Variants in ERFL observed in about 807,000 individuals in gnomAD.
ERFL encodes the protein ETS repressor factor like, also known as ETS domain-containing transcription factor ERF-like.
A neutral mutation model predicts 27.9 loss-of-function variants in ERFL; 8 were observed. The observed-to-expected ratio is 0.29, with a 90% CI of 0.17 to 0.52. The LOEUF is 0.52. Among genes scored for constraint, ERFL ranks in the 20% least tolerant of loss-of-function variants. The pLI, the probability that ERFL is intolerant of heterozygous loss-of-function variation, is 0.97. For synonymous variants in ERFL, 174 were observed against 202.8 expected, an observed-to-expected ratio of 0.86 and a Z score of 1.21; for missense variants, 294 against 444.4, an observed-to-expected ratio of 0.66 and a Z score of 3.04.
At position 41,917,219 on chromosome 19, in the gene ERFL, A is replaced by G. The variant is rs1490166577; in HGVS notation, c.-13-4287T>C. Among the ~76,000 whole-genome samples, 3 of 151,658 alleles carry G rather than the reference A, an allele frequency of 2.0e-5. No individual in the cohort carries two copies. The highest frequency in any genetic ancestry group is 7.3e-5 in the African/African-American group (3 of 41,220). ...TCTTGGCCTGCCTGTCTTTCTAAATATCTCCATCTCTGAGTGTCTCTGTTT... is the reference window on the plus strand; with the variant it reads ...TCTTGGCCTGCCTGTCTTTCTAAATGTCTCCATCTCTGAGTGTCTCTGTTT... On this transcript the variant is annotated intron_variant, in intron 1 of 5. Transcript: ENST00000597630. This position sits in a 1 kb window ranked among gnomAD's most constrained non-coding sequence, Gnocchi z 4.8.
chr19:41,921,903 G>A lies in ERFL; in HGVS notation c.-14+6137C>T, dbSNP rs1299596063. On this transcript the variant is annotated intron_variant, in intron 1 of 5. Transcript: ENST00000597630. The surrounding 1 kb of genome is among the most constrained non-coding windows in gnomAD (Gnocchi z 4.4). ...CCCTCCTCCTCCTCATCTCCACCAG[G>A]CCCCACCCCACCCAGACCCCAGCTC... is the stretch of plus-strand genomic sequence containing the variant. 6.6e-6 allele frequency among the ~76,000 whole-genome samples: 1 copy of A among 150,806 alleles called. No homozygotes were observed. Among genetic ancestry groups the A allele is most frequent in the Admixed American group, 6.6e-5 (1 of 15,140 alleles).
chr19:41,915,806 A>G (rs557929211), intron 1 of ERFL, among the ~76,000 whole-genome samples: 112 of 152,030 alleles, frequency 7.4e-4, no homozygotes, highest in African/African-American at 2.5e-3. Flanking sequence ...TGATCGACTG[A>G]TGGAGGGAGC....
chr19:41,908,709 A>G lies in ERFL; in HGVS notation c.617-33T>C. 1 of 1,153,186 alleles carries G rather than the reference A, an allele frequency of 8.7e-7. No individual in the cohort carries two copies. Among genetic ancestry groups the G allele is most frequent in the Non-Finnish European group, 1.1e-6 (1 of 916,392 alleles). The allele number at this position is 1,153,186 out of a possible 1,614,324, so 71.4% of individuals were successfully genotyped here. On this transcript the variant is annotated intron_variant, in intron 5 of 5. Coordinates refer to ENST00000597630, the MANE Select transcript of ERFL (RefSeq NM_001365103.2). This position sits in a 1 kb window ranked among gnomAD's most constrained non-coding sequence, Gnocchi z 6.7. The stretch of plus-strand genomic sequence containing the variant: ...GCACAGGGGTAGGTCAGGCTGGGGC[A>G]CCTGCCTGCCTGGGGACCAGTAAAG...
intron 2 of ERFL, among the ~76,000 whole-genome samples, chr19:41,911,177 T>C (rs1426378551): frequency 6.6e-6 from 1 of 152,102 alleles, no homozygotes; most frequent in African/African-American, 2.4e-5. Flanking sequence ...ACGTCTCACA[T>C]GCAGAGGGGA....
At position 41,908,687 on chromosome 19, in the gene ERFL, CAG is replaced by C. The variant is rs1796813743; in HGVS notation, c.617-13_617-12del. On this transcript the variant is annotated splice_polypyrimidine_tract_variant and intron_variant, in intron 5 of 5. Transcript: ENST00000597630. This position sits in a 1 kb window ranked among gnomAD's most constrained non-coding sequence, Gnocchi z 6.7. ...AATAGCTGGTGGCACCTGGGGGGCA[CAG>C]GGGTAGGTCAGGCTGGGGCACCTGC... The C allele has an allele frequency of 4.1e-6, 5 of 1,228,572 alleles. No homozygotes were observed. The highest frequency in any genetic ancestry group is 4.1e-5 in the South Asian group (1 of 24,222). The allele number at this position is 1,228,572 out of a possible 1,614,324, so 76.1% of individuals were successfully genotyped here. A position where few individuals can be genotyped will look rare whatever the true frequency, so the allele number is the denominator to read the frequency against.
chr19:41,908,955 G>T lies in ERFL; in HGVS notation c.616+105C>A. The T allele has an allele frequency of 1.4e-6, 1 of 703,738 alleles. No individual in the cohort carries two copies. The allele number at this position is 703,738 out of a possible 1,614,324, so 43.6% of individuals were successfully genotyped here. A position where few individuals can be genotyped will look rare whatever the true frequency, so the allele number is the denominator to read the frequency against. The stretch of plus-strand genomic sequence containing the variant: ...CACACACACCCTACAACCTGGCCCT[G>T]GGCCCCCTTCCCCATCTCTTCTCTT... On this transcript the variant is annotated intron_variant, in intron 5 of 5. Coordinates refer to ENST00000597630, the MANE Select transcript of ERFL (RefSeq NM_001365103.2). The surrounding 1 kb of genome is among the most constrained non-coding windows in gnomAD (Gnocchi z 6.7).
At chr19:41,924,152 G>A (rs1283254304) in intron 1 of ERFL, among the ~76,000 whole-genome samples, 1 of 151,778 alleles carries the variant, frequency 6.6e-6, no homozygotes, top group Non-Finnish European at 1.5e-5. Flanking sequence ...TAGGGGAGAT[G>A]GGGTTGGGAG....
At chr19:41,927,315 G>A (rs1555853353) in intron 1 of ERFL, among the ~76,000 whole-genome samples, 1 of 152,066 alleles carries the variant, frequency 6.6e-6, no homozygotes, top group Non-Finnish European at 1.5e-5. Flanking sequence ...TCCTTGCCCC[G>A]AAGTGTGCAG....
Position 41,908,663 on chromosome 19 carries a change from A to G in ERFL, c.630T>C (p.Tyr210=), listed in dbSNP as rs2074733530. 4.1e-6 allele frequency: 5 copies of G among 1,231,494 alleles called. No individual in the cohort carries two copies. The highest frequency in any genetic ancestry group is 3.1e-5 in the African/African-American group (2 of 64,416). The allele number at this position is 1,231,494 out of a possible 1,614,324, so 76.3% of individuals were successfully genotyped here. The change falls in exon 6 of 6, where the codon TAT becomes TAC. Residue 210 remains tyrosine (Y), a synonymous_variant. Transcript: ENST00000597630. The surrounding 1 kb of genome is among the most constrained non-coding windows in gnomAD (Gnocchi z 6.7). The stretch of plus-strand genomic sequence containing the variant: ...GACCCAGCAGGCCAGGGGGCTTGGA[A>G]TAGCTGGTGGCACCTGGGGGGCACA... The part of the protein sequence containing the change: ...FPFLGSGATS[Y]SKPPGLLGPY...
At position 41,909,581 on chromosome 19, in the gene ERFL, T is replaced by G. The variant is rs1276795298; in HGVS notation, c.303-110A>C. 1.1e-6 allele frequency: 1 copy of G among 932,856 alleles called. No homozygotes were observed. Among genetic ancestry groups the G allele is most frequent in the African/African-American group, 1.7e-5 (1 of 59,078 alleles). The allele number at this position is 932,856 out of a possible 1,614,324, so 57.8% of individuals were successfully genotyped here. A position where few individuals can be genotyped will look rare whatever the true frequency, so the allele number is the denominator to read the frequency against. On this transcript the variant is annotated intron_variant, in intron 3 of 5. Coordinates refer to ENST00000597630, the MANE Select transcript of ERFL (RefSeq NM_001365103.2). The surrounding 1 kb of genome is among the most constrained non-coding windows in gnomAD (Gnocchi z 5.2). The stretch of plus-strand genomic sequence containing the variant: ...GGCATGGTGCACAGAGCACTAGAAC[T>G]TGGGGAAACTGAGGCTCACAGAAGT...
intron 1 of ERFL, among the ~76,000 whole-genome samples, chr19:41,925,539 G>A (rs1425113176): frequency 2.6e-5 from 4 of 152,126 alleles, no homozygotes; most frequent in Non-Finnish European, 5.9e-5. Flanking sequence ...ACAAGGGACC[G>A]GGAAACTCTG....
rs782781663 is a variant in ERFL at position 41,916,176 on chromosome 19, C to T, written c.-13-3244G>A. On this transcript the variant is annotated intron_variant, in intron 1 of 5. Coordinates refer to ENST00000597630, the MANE Select transcript of ERFL (RefSeq NM_001365103.2). This position sits in a 1 kb window ranked among gnomAD's most constrained non-coding sequence, Gnocchi z 5.4. ...ACAGACCCACACACCAACCCAGGCA[C>T]GCACACCACCACGTCCCACACAGCA... is the stretch of plus-strand genomic sequence containing the variant. Among the ~76,000 whole-genome samples the T allele has an allele frequency of 2.0e-5, 3 of 152,006 alleles. No individual in the cohort carries two copies. Among genetic ancestry groups the T allele is most frequent in the African/African-American group, 4.8e-5 (2 of 41,370 alleles).
rs112688597 is a variant in ERFL, at chr19:41,909,247, G to C, written c.498+29C>G. ...CCCCAGAGTGGGCACCAAGTGCCTC[G>C]GTTCCAGGACCCCAGTACCCAGACT... On this transcript the variant is annotated intron_variant, in intron 4 of 5. Coordinates refer to ENST00000597630, the MANE Select transcript of ERFL (RefSeq NM_001365103.2). The surrounding 1 kb of genome is among the most constrained non-coding windows in gnomAD (Gnocchi z 5.2). 6 of 1,231,704 alleles carry C rather than the reference G, an allele frequency of 4.9e-6. No individual in the cohort carries two copies. The African/African-American group carries it at 7.8e-5, about 16-fold the overall frequency. The allele number at this position is 1,231,704 out of a possible 1,614,324, so 76.3% of individuals were successfully genotyped here.
chr19:41,919,103 T>C (rs60909166), intron 1 of ERFL, among the ~76,000 whole-genome samples: 40,228 of 149,316 alleles, frequency 0.27, 11,454 homozygotes, highest in African/African-American at 0.72. Flanking sequence ...ATGCCACACA[T>C]AACACACATA....
Position 41,909,496 on chromosome 19 carries a change from G to T in ERFL, c.303-25C>A. 8.0e-7 allele frequency: 1 copy of T among 1,251,538 alleles called. No homozygotes were observed. The highest frequency in any genetic ancestry group is 3.7e-5 in the South Asian group (1 of 27,068). 77.5% of individuals were successfully genotyped at this position (1,251,538 alleles called of 1,614,324 possible). On this transcript the variant is annotated intron_variant, in intron 3 of 5. Transcript: ENST00000597630. The surrounding 1 kb of genome is among the most constrained non-coding windows in gnomAD (Gnocchi z 5.2). ...ACTGTGGGGAGAGTGGTGGTGTTGGGGAGGTGCAGGGGGAGCCCTGGGGCG... is the reference window on the plus strand; with the variant it reads ...ACTGTGGGGAGAGTGGTGGTGTTGGTGAGGTGCAGGGGGAGCCCTGGGGCG...
chr19:41,914,448 A>C (rs2074774674), intron 1 of ERFL, among the ~76,000 whole-genome samples: 2 of 142,680 alleles, frequency 1.4e-5, no homozygotes, highest in African/African-American at 2.7e-5. Flanking sequence ...CTGTTTCTCC[A>C]TCTCTCACCC....
At chr19:41,912,588 C>T (rs1294788985) in intron 2 of ERFL, among the ~76,000 whole-genome samples, 1 of 152,146 alleles carries the variant, frequency 6.6e-6, no homozygotes. Flanking sequence ...GCCTCGGGCC[C>T]CTCCGTCCTC....
In ERFL at chr19:41,921,146, C is replaced by T. The variant is rs1237407465; in HGVS notation, c.-14+6894G>A. The stretch of plus-strand genomic sequence containing the variant: ...GGGGAGGGGAGAGGGAGGGTGGAGG[C>T]GCCACCGTGAGGCGAGGCGGAGGGA... On this transcript the variant is annotated intron_variant, in intron 1 of 5. Coordinates refer to ENST00000597630, the MANE Select transcript of ERFL (RefSeq NM_001365103.2). The surrounding 1 kb of genome is among the most constrained non-coding windows in gnomAD (Gnocchi z 4.4). Among the ~76,000 whole-genome samples the T allele has an allele frequency of 6.6e-6, 1 of 151,752 alleles. No individual in the cohort carries two copies. Among genetic ancestry groups the T allele is most frequent in the Non-Finnish European group, 1.5e-5 (1 of 67,938 alleles).
intron 1 of ERFL, among the ~76,000 whole-genome samples, chr19:41,922,093 C>G (rs7260129): frequency 1.3e-5 from 2 of 151,764 alleles, no homozygotes; most frequent in African/African-American, 2.4e-5. Flanking sequence ...GCTGGAGGGG[C>G]GGGGGCAGAG....
Sources: allele counts gnomAD v4.1 joint callset (sites outside exome capture counted in the v4.1 genomes callset), GRCh38; gene constraint gnomAD v4.1.1; non-coding constraint Gnocchi (gnomAD v3.1); transcripts MANE v1.5; gene names NCBI Gene and HGNC (gene_info 2026-07-23, HGNC 2026-07-21).